Variants in GRXCR1 observed in about 807,000 individuals in gnomAD.
GRXCR1 encodes glutaredoxin and cysteine rich domain containing 1.
In GRXCR1, 27 loss-of-function variants were observed where a neutral mutation model predicts 27.3. The observed-to-expected ratio is 0.99, with a 90% CI of 0.73 to 1.37. The LOEUF is 1.37. Among genes scored for constraint, GRXCR1 ranks in the 40% most tolerant of loss-of-function variants. The probability of loss-of-function intolerance (pLI) is 0.00; values close to 1 mark genes in which losing one functional copy is unlikely to be tolerated. For missense variants in GRXCR1, 379 were observed against 354.4 expected, an observed-to-expected ratio of 1.07 and a Z score of -0.56; for synonymous variants, 122 against 131.1, an observed-to-expected ratio of 0.93 and a Z score of 0.47.
chr4:43,020,348 T>C lies in GRXCR1; in HGVS notation c.628-6T>C, dbSNP rs1254372918. The C allele has an allele frequency of 2.5e-6, 4 of 1,592,632 alleles. No homozygotes were observed. Among genetic ancestry groups the C allele is most frequent in the Non-Finnish European group, 3.4e-6 (4 of 1,160,584 alleles). On this transcript the variant is annotated splice_region_variant and splice_polypyrimidine_tract_variant and intron_variant, in intron 2 of 3. Coordinates refer to ENST00000399770, the MANE Select transcript of GRXCR1 (RefSeq NM_001080476.3). ...GATTTTTCTCCCTACTCTCTCTCGT[T>C]AATAGGGTGCTGAGAAAATTTTGTC...
intron 1 of GRXCR1, among the ~76,000 whole-genome samples, chr4:42,915,636 T>C (rs1746868818): frequency 6.6e-6 from 1 of 152,126 alleles, no homozygotes; most frequent in Admixed American, 6.5e-5. Context: ...TGTGTGTATC[T>C]TGACACGTCT....
In GRXCR1 at chr4:42,975,625, C is replaced by T. The variant is rs188465070; in HGVS notation, c.627+12491C>T. ...CCACGGTCTTACTGGAAACTGTAATCCCCCTCATATTTCCGTAGTCACACT... is the reference window on the plus strand; with the variant it reads ...CCACGGTCTTACTGGAAACTGTAATTCCCCTCATATTTCCGTAGTCACACT... On this transcript the variant is annotated intron_variant, in intron 2 of 3. Coordinates refer to ENST00000399770, the MANE Select transcript of GRXCR1 (RefSeq NM_001080476.3). Among the ~76,000 whole-genome samples the T allele has an allele frequency of 2.0e-4, 31 of 152,168 alleles. 1 individual carries two copies. In the East Asian group the frequency reaches 6.0e-3, roughly 29 times the overall value.
intron 1 of GRXCR1, among the ~76,000 whole-genome samples, chr4:42,895,229 T>G (rs868679161): frequency 1.4e-4 from 22 of 152,106 alleles, no homozygotes; most frequent in Admixed American, 9.2e-4. Context: ...TACCTGCATA[T>G]TTTTCTATGC....
intron 2 of GRXCR1, among the ~76,000 whole-genome samples, chr4:43,014,301 T>C (rs9968291): frequency 0.097 from 14,749 of 152,116 alleles, 1,482 homozygotes; most frequent in African/African-American, 0.26. Context: ...AGCTGATTTC[T>C]GAAATAAATT....
At position 43,001,317 on chromosome 4, in the gene GRXCR1, G is replaced by A. The variant is rs1217823359; in HGVS notation, c.628-19037G>A. Among the ~76,000 whole-genome samples the A allele has an allele frequency of 3.9e-5, 6 of 151,946 alleles. No homozygotes were observed. The East Asian group carries it at 9.7e-4, about 24-fold the overall frequency. On this transcript the variant is annotated intron_variant, in intron 2 of 3. Coordinates refer to ENST00000399770, the MANE Select transcript of GRXCR1 (RefSeq NM_001080476.3). ...ATTATTGTTTTTAAATTCACCTTGGGCAAGAGCTAAGTCCCATCGTGCCTC... is the reference window on the plus strand; with the variant it reads ...ATTATTGTTTTTAAATTCACCTTGGACAAGAGCTAAGTCCCATCGTGCCTC...
chr4:42,969,633 A>C (rs1258749622), intron 2 of GRXCR1, among the ~76,000 whole-genome samples: 2 of 152,124 alleles, frequency 1.3e-5, no homozygotes, highest in Non-Finnish European at 2.9e-5. Context: ...ACCTGCTATC[A>C]TGAGAACAAC....
chr4:43,010,018 T>C (rs1363471867), intron 2 of GRXCR1, among the ~76,000 whole-genome samples: 3 of 152,152 alleles, frequency 2.0e-5, no homozygotes, highest in South Asian at 2.1e-4. Flanking sequence ...GTGACTCTTC[T>C]ATATTGTTGT....
At chr4:42,984,037 T>C (rs1002414579) in intron 2 of GRXCR1, among the ~76,000 whole-genome samples, 1 of 152,116 alleles carries the variant, frequency 6.6e-6, no homozygotes, top group Non-Finnish European at 1.5e-5. Flanking sequence ...GTTTTTGCCA[T>C]GTTGGCCAGG....
rs3072802 is a variant in GRXCR1 at position 42,932,577 on chromosome 4, CATATATATATAT to C, written c.385-30283_385-30272del. ...TGAGTGTTTCTCTTAAACTCCCTTC[CATATATATATAT>C]ATATATATATATATATATATATATA... On this transcript the variant is annotated intron_variant, in intron 1 of 3. Transcript: ENST00000399770. Among the ~76,000 whole-genome samples, 117 of 28,660 alleles carry C rather than the reference CATATATATATAT, an allele frequency of 4.1e-3. 1 individual carries two copies. Among genetic ancestry groups the C allele is most frequent in the Non-Finnish European group, 4.9e-3 (83 of 16,790 alleles). The allele number at this position is 28,660 out of a possible 152,430, so 18.8% of individuals were successfully genotyped here. A position where few individuals can be genotyped will look rare whatever the true frequency, so the allele number is the denominator to read the frequency against.
chr4:42,916,128 G>A (rs1390524084), intron 1 of GRXCR1, among the ~76,000 whole-genome samples: 1 of 151,334 alleles, frequency 6.6e-6, no homozygotes, highest in Non-Finnish European at 1.5e-5. Flanking sequence ...TGAAGCATGT[G>A]CTTTTGTAAA....
chr4:42,937,010 T>A (rs1449189409), intron 1 of GRXCR1, among the ~76,000 whole-genome samples: 1 of 151,850 alleles, frequency 6.6e-6, no homozygotes, highest in Non-Finnish European at 1.5e-5. Flanking sequence ...GTCATTCAGC[T>A]CACATTTACC....
At chr4:43,021,595 C>G (rs1042984174) in intron 3 of GRXCR1, among the ~76,000 whole-genome samples, 3 of 152,122 alleles carry the variant, frequency 2.0e-5, no homozygotes, top group African/African-American at 7.2e-5. Context: ...ACAATGTCCT[C>G]TCAATGTACT....
chr4:42,962,063 C>G (rs1262740925), intron 1 of GRXCR1, among the ~76,000 whole-genome samples: 1 of 151,952 alleles, frequency 6.6e-6, no homozygotes, highest in Non-Finnish European at 1.5e-5. Context: ...CAGTACCTAC[C>G]TGGTATGGCT....
At chr4:42,959,808 A>T (rs1300209502) in intron 1 of GRXCR1, among the ~76,000 whole-genome samples, 1 of 151,922 alleles carries the variant, frequency 6.6e-6, no homozygotes, top group Admixed American at 6.6e-5. Flanking sequence ...TTAGAATCAC[A>T]TTAGAACTTA....
intron 1 of GRXCR1, among the ~76,000 whole-genome samples, chr4:42,953,121 C>A (rs1486509139): frequency 3.3e-5 from 5 of 152,152 alleles, no homozygotes. Flanking sequence ...TGGATTGTAG[C>A]AAACTTACCA....
intron 1 of GRXCR1, among the ~76,000 whole-genome samples, chr4:42,951,387 G>A (rs905423596): frequency 6.6e-6 from 1 of 152,068 alleles, no homozygotes; most frequent in Non-Finnish European, 1.5e-5. Context: ...TAGCCAAGTC[G>A]ACACATAACA....
At chr4:43,007,575 G>C (rs1041725128) in intron 2 of GRXCR1, among the ~76,000 whole-genome samples, 6 of 152,248 alleles carry the variant, frequency 3.9e-5, no homozygotes, top group Admixed American at 3.9e-4. Context: ...CCAGGGAGGT[G>C]GTGGACCCCA....
chr4:42,923,015 T>A (rs530083619), intron 1 of GRXCR1, among the ~76,000 whole-genome samples: 1 of 152,236 alleles, frequency 6.6e-6, no homozygotes, highest in Non-Finnish European at 1.5e-5. Context: ...ATCTGCACAA[T>A]AATTGCATAA....
At chr4:43,011,026 C>T (rs751509486) in intron 2 of GRXCR1, among the ~76,000 whole-genome samples, 3 of 152,148 alleles carry the variant, frequency 2.0e-5, no homozygotes, top group Non-Finnish European at 4.4e-5. Flanking sequence ...GCTGAGCCCA[C>T]GATGTCAAAC....
Sources: allele counts gnomAD v4.1 joint callset (sites outside exome capture counted in the v4.1 genomes callset), GRCh38; gene constraint gnomAD v4.1.1; transcripts MANE v1.5; gene names NCBI Gene and HGNC (gene_info 2026-07-23, HGNC 2026-07-21).